Variants in NDUFV1 observed in about 807,000 individuals in gnomAD.
NDUFV1 encodes NADH:ubiquinone oxidoreductase core subunit V1.
NDUFV1 carries 41 observed loss-of-function variants against 48.7 expected under a neutral mutation model. That is an observed-to-expected ratio of 0.84 (90% confidence interval 0.66 to 1.09). The LOEUF (loss-of-function observed/expected upper bound fraction) is 1.09, where lower values mean the gene tolerates loss of function less well. NDUFV1 is among the 50% of genes least tolerant of loss of function. The pLI is 0.00. For synonymous variants in NDUFV1, 231 were observed against 259.1 expected (o/e 0.89, Z 1.04); for missense variants, 580 against 645.4 (o/e 0.90, Z 1.10).
In NDUFV1 at chr11:67,611,684, T is replaced by C. The variant is rs1448165910; in HGVS notation, c.1080+115T>C. 1 of 1,482,636 alleles carries C rather than the reference T, an allele frequency of 6.7e-7. No individual in the cohort carries two copies. Among genetic ancestry groups the C allele is most frequent in the Non-Finnish European group, 9.2e-7 (1 of 1,091,838 alleles). 91.8% of individuals were successfully genotyped at this position (1,482,636 alleles called of 1,614,324 possible). On this transcript the variant is annotated intron_variant, in intron 7 of 9. Coordinates refer to ENST00000322776, the MANE Select transcript of NDUFV1 (RefSeq NM_007103.4). The surrounding 1 kb of genome is among the most constrained non-coding windows in gnomAD (Gnocchi z 4.2). ...AGGTCTCAGTTCCTGCAGCCTGAGA[T>C]AAAGCAAGGTGGAAGAGGAGGGAGG...
At chr11:67,607,592 AAC>A (rs1854833747) in intron 1 of NDUFV1, 2 of 424,206 alleles carry the variant, frequency 4.7e-6, no homozygotes, top group Non-Finnish European at 9.5e-6. Context: ...CCCATCAGTA[AAC>A]ACATTTCGCC....
In NDUFV1 at chr11:67,609,439, T is replaced by G; in HGVS notation, c.327-13T>G. 1.2e-6 allele frequency: 2 copies of G among 1,613,032 alleles called. No individual in the cohort carries two copies. Among genetic ancestry groups the G allele is most frequent in the South Asian group, 2.2e-5 (2 of 91,022 alleles). ...ATGGCCCTGTAGCCTGTCTGACCTG[T>G]GGGCCCCTGCAGGCCCAAGTATCTG... On this transcript the variant is annotated splice_polypyrimidine_tract_variant and intron_variant, in intron 3 of 9. Transcript: ENST00000322776.
chr11:67,610,685 TAG>T, intron 5 of NDUFV1, 115 bp downstream of exon 5: 2 of 1,405,620 alleles, frequency 1.4e-6, no homozygotes, highest in Non-Finnish European at 9.7e-7. Flanking sequence ...TGGGGCCAGA[TAG>T]AGAGTAGGCT....
At chr11:67,607,596 C>T (rs1217533232) in intron 1 of NDUFV1, 2 of 411,308 alleles carry the variant, frequency 4.9e-6, no homozygotes, top group Non-Finnish European at 9.8e-6. Context: ...TCAGTAAACA[C>T]ATTTCGCCTC....
rs143637476 is a variant in NDUFV1 at position 67,611,735 on chromosome 11, G to A, written c.1081-162G>A. The A allele has an allele frequency of 1.7e-4, 233 of 1,372,686 alleles. No individual in the cohort carries two copies. The highest frequency in any genetic ancestry group is 1.6e-3 in the African/African-American group (110 of 69,794). The allele number at this position is 1,372,686 out of a possible 1,614,324, so 85.0% of individuals were successfully genotyped here. Reference sequence around the variant, plus strand: ...AAGGCTGCTCTGAGGAGAATACCCCGGAGTCTGGGCAGCACAGGGGGCCCA... The same window carrying A: ...AAGGCTGCTCTGAGGAGAATACCCCAGAGTCTGGGCAGCACAGGGGGCCCA... On this transcript the variant is annotated intron_variant, in intron 7 of 9. Transcript: ENST00000322776. This position sits in a 1 kb window ranked among gnomAD's most constrained non-coding sequence, Gnocchi z 4.2.
Position 67,612,059 on chromosome 11 carries a change from G to A in NDUFV1, c.1163-61G>A, listed in dbSNP as rs2134086223. 1 of 1,613,654 alleles carries A rather than the reference G, an allele frequency of 6.2e-7. No individual in the cohort carries two copies. Among genetic ancestry groups the A allele is most frequent in the Non-Finnish European group, 8.5e-7 (1 of 1,179,974 alleles). On this transcript the variant is annotated intron_variant, in intron 8 of 9. Transcript: ENST00000322776. This position sits in a 1 kb window ranked among gnomAD's most constrained non-coding sequence, Gnocchi z 4.4. ...CCACCACGTGGCCTGCAGCCCTCAA[G>A]CGCCGCCCCACATCCTGGCTGGGGA...
At position 67,612,359 on chromosome 11, in the gene NDUFV1, C is replaced by G; in HGVS notation, c.1309-13C>G. On this transcript the variant is annotated splice_polypyrimidine_tract_variant and intron_variant, in intron 9 of 9. Transcript: ENST00000322776. This position sits in a 1 kb window ranked among gnomAD's most constrained non-coding sequence, Gnocchi z 4.4. Reference sequence around the variant, plus strand: ...TTGGACTCTGTTTCACATGGTCCCCCCACCGACCCCAGGGTCTGATCCGCC... The same window carrying G: ...TTGGACTCTGTTTCACATGGTCCCCGCACCGACCCCAGGGTCTGATCCGCC... The G allele has an allele frequency of 6.2e-7, 1 of 1,613,712 alleles. No homozygotes were observed.
At chr11:67,609,816 C>T (rs923505696) in intron 4 of NDUFV1, 181 bp downstream of exon 4, 4 of 615,762 alleles carry the variant, frequency 6.5e-6, no homozygotes, top group Non-Finnish European at 1.1e-5. Context: ...CCTTCCAGGG[C>T]TCCTAATGCT....
rs577544489 is a variant in NDUFV1 at position 67,612,063 on chromosome 11, C to T, written c.1163-57C>T. The T allele has an allele frequency of 4.5e-5, 73 of 1,613,550 alleles. No individual in the cohort carries two copies. In the East Asian group the frequency reaches 8.0e-4, roughly 18 times the overall value. Reference sequence around the variant, plus strand: ...CACGTGGCCTGCAGCCCTCAAGCGCCGCCCCACATCCTGGCTGGGGAGATC... The same window carrying T: ...CACGTGGCCTGCAGCCCTCAAGCGCTGCCCCACATCCTGGCTGGGGAGATC... On this transcript the variant is annotated intron_variant, in intron 8 of 9. Transcript: ENST00000322776. This position sits in a 1 kb window ranked among gnomAD's most constrained non-coding sequence, Gnocchi z 4.4.
At chr11:67,607,099 C>T (rs1320157061) in intron 1 of NDUFV1, 23 bp downstream of exon 1, 2 of 1,598,102 alleles carry the variant, frequency 1.3e-6, no homozygotes, top group South Asian at 1.1e-5. Context: ...CTGGCTGGGG[C>T]CACGGGTGTT....
chr11:67,611,898 C>T lies in NDUFV1; in HGVS notation c.1082C>T (p.Thr361Met), dbSNP rs747260667. Residue 361 changes from threonine (T) to methionine (M), a missense_variant and splice_region_variant, in exon 8 of 10, where the codon ACG becomes ATG. By Grantham distance (81) the Thr-to-Met change is moderately conservative (BLOSUM62 -1). Transcript: ENST00000322776. The surrounding 1 kb of genome is among the most constrained non-coding windows in gnomAD (Gnocchi z 4.2). The stretch of plus-strand genomic sequence containing the variant: ...TGCTAATTGCCCCTCGTCACCCAGA[C>T]GGACATCGTGAAAGCCATCGCCCGC... ...TAAVIVMDRS[T>M]DIVKAIARLI... is the part of the protein sequence containing the mutation. 42 of 1,613,896 alleles carry T rather than the reference C, an allele frequency of 2.6e-5. No homozygotes were observed. Among genetic ancestry groups the T allele is most frequent in the Admixed American group, 8.3e-5 (5 of 59,994 alleles).
rs267603141 is a variant in NDUFV1, at chr11:67,611,144, C to T, written c.850C>T (p.His284Tyr). 5.6e-6 allele frequency: 9 copies of T among 1,614,132 alleles called. No individual in the cohort carries two copies. In the South Asian group the frequency reaches 7.7e-5, roughly 14 times the overall value. ...KLFNISGHVNHPCTVEEEMSV... is the reference protein window; with the variant it reads ...KLFNISGHVNYPCTVEEEMSV... ...ATTCAACATCTCTGGCCATGTCAAC[C>T]ACCCTTGCACTGTGGAGGAGGAGAT... Residue 284 changes from histidine (H) to tyrosine (Y), a missense_variant, in exon 6 of 10, where the codon CAC becomes TAC. By Grantham distance (83) the His-to-Tyr change is moderately conservative. Transcript: ENST00000322776. The surrounding 1 kb of genome is among the most constrained non-coding windows in gnomAD (Gnocchi z 4.2).
chr11:67,606,965 T>C lies in NDUFV1; in HGVS notation c.-40T>C, dbSNP rs746552807. The C allele has an allele frequency of 1.9e-6, 3 of 1,596,534 alleles. No homozygotes were observed. The highest frequency in any genetic ancestry group is 2.6e-6 in the Non-Finnish European group (3 of 1,172,006). ...CGCCAGTTCCTCAGCCTCAGTGCTA[T>C]GAAGGTGACAGCGTGAGGTGACCCA... On this transcript the variant is annotated 5_prime_UTR_variant, in exon 1 of 10. An upstream start codon of the reference 5' UTR is lost. Coordinates refer to ENST00000322776, the MANE Select transcript of NDUFV1 (RefSeq NM_007103.4).
In NDUFV1 at chr11:67,609,641, T is replaced by A. The variant is rs1854877002; in HGVS notation, c.510+6T>A. ...ATGAGGCCTCCAATCTGCAGGTGGG[T>A]AGGGAGAGATGTAGACAGATGAGAA... On this transcript the variant is annotated splice_donor_region_variant and intron_variant, in intron 4 of 9. Coordinates refer to ENST00000322776, the MANE Select transcript of NDUFV1 (RefSeq NM_007103.4). 1 of 1,601,758 alleles carries A rather than the reference T, an allele frequency of 6.2e-7. No homozygotes were observed.
rs1203255652 is a variant in NDUFV1, at chr11:67,606,992, C to G, written c.-13C>G. The G allele has an allele frequency of 1.2e-6, 2 of 1,608,770 alleles. No individual in the cohort carries two copies. The highest frequency in any genetic ancestry group is 1.3e-5 in the African/African-American group (1 of 75,018). On this transcript the variant is annotated 5_prime_UTR_variant, in exon 1 of 10. The change creates a new upstream start codon in the 5' untranslated region. Coordinates refer to ENST00000322776, the MANE Select transcript of NDUFV1 (RefSeq NM_007103.4). ...AAGGTGACAGCGTGAGGTGACCCATCTGGCCCGCCGCGATGCTGGCAACAC... is the reference window on the plus strand; with the variant it reads ...AAGGTGACAGCGTGAGGTGACCCATGTGGCCCGCCGCGATGCTGGCAACAC...
intron 5 of NDUFV1, 198 bp from the exon 6 acceptor site, chr11:67,610,797 C>A: frequency 1.3e-6 from 1 of 778,642 alleles, no homozygotes; most frequent in Non-Finnish European, 2.1e-6. Flanking sequence ...CTTCACAGTG[C>A]CTGTTCTGAG....
intron 3 of NDUFV1, 163 bp from the exon 4 acceptor site, chr11:67,609,289 G>T: frequency 1.5e-6 from 1 of 681,820 alleles, no homozygotes; most frequent in Non-Finnish European, 2.5e-6. Flanking sequence ...CCCTGTCATT[G>T]GTGGTGAGCA....
chr11:67,611,259 G>A lies in NDUFV1; in HGVS notation c.913+52G>A, dbSNP rs1162671608. On this transcript the variant is annotated intron_variant, in intron 6 of 9. Coordinates refer to ENST00000322776, the MANE Select transcript of NDUFV1 (RefSeq NM_007103.4). This position sits in a 1 kb window ranked among gnomAD's most constrained non-coding sequence, Gnocchi z 4.2. Reference sequence around the variant, plus strand: ...GGGGGGGTGCGCAGTGGGGGCAGGTGTCCACAAAGAGAGCCTGGGCGGGAG... The same window carrying A: ...GGGGGGGTGCGCAGTGGGGGCAGGTATCCACAAAGAGAGCCTGGGCGGGAG... The A allele has an allele frequency of 6.2e-7, 1 of 1,602,986 alleles. No homozygotes were observed. The highest frequency in any genetic ancestry group is 8.5e-7 in the Non-Finnish European group (1 of 1,171,360).
In NDUFV1 at chr11:67,612,396, G is replaced by C. The variant is rs71457785; in HGVS notation, c.1333G>C (p.Glu445Gln). 1.9e-5 allele frequency: 30 copies of C among 1,612,862 alleles called. No individual in the cohort carries two copies. Among genetic ancestry groups the C allele is most frequent in the Non-Finnish European group, 2.5e-5 (30 of 1,180,000 alleles). The change falls in exon 10 of 10, where the codon GAG becomes CAG. Residue 445 changes from glutamate to glutamine, a missense_variant. By Grantham distance (29) the Glu-to-Gln change is conservative (BLOSUM62 2). Coordinates refer to ENST00000322776, the MANE Select transcript of NDUFV1 (RefSeq NM_007103.4). This position sits in a 1 kb window ranked among gnomAD's most constrained non-coding sequence, Gnocchi z 4.4. The part of the protein sequence containing the change: ...VQGLIRHFRP[E>Q]LEERMQRFAQ... ...GGGTCTGATCCGCCACTTTCGGCCG[G>C]AGCTCGAGGAGCGGATGCAGCGGTT...
Sources: gnomAD v4.1 joint callset for allele counts on GRCh38, gnomAD v4.1.1 for gene constraint, Gnocchi (gnomAD v3.1) non-coding constraint, MANE v1.5 for transcripts, NCBI Gene and HGNC (gene_info 2026-07-23, HGNC 2026-07-21) for gene names.